Variants in RNLS observed in about 807,000 individuals in gnomAD.
RNLS encodes renalase.
Under a neutral mutation model 39.8 loss-of-function variants are expected in RNLS, and 39 were observed. The ratio of observed to expected loss-of-function variants is 0.98; its 90% CI spans 0.76 to 1.28. RNLS has a LOEUF of 1.28. Ranked by LOEUF, RNLS falls within the 50% of genes most tolerant of loss-of-function variation. The pLI is 0.00. For missense variants in RNLS, 410 were observed against 413.3 expected (o/e 0.99, Z 0.07); for synonymous variants, 147 against 150.7 (o/e 0.98, Z 0.18).
At chr10:88,380,228 A>AT (rs1851340070) in intron 4 of RNLS, among the ~76,000 whole-genome samples, 1 of 151,862 alleles carries the variant, frequency 6.6e-6, no homozygotes, top group African/African-American at 2.4e-5. Flanking sequence ...TCTTGCTCAT[A>AT]TTTTCTGCAT....
chr10:88,488,422 T>C (rs1002764759), intron 4 of RNLS, among the ~76,000 whole-genome samples: 1 of 151,882 alleles, frequency 6.6e-6, no homozygotes, highest in Non-Finnish European at 1.5e-5. Context: ...GGTGCATGCC[T>C]GTAATCCCAG....
chr10:88,444,208 C>T (rs2133863400), intron 4 of RNLS, among the ~76,000 whole-genome samples: 1 of 152,316 alleles, frequency 6.6e-6, no homozygotes, highest in Non-Finnish European at 1.5e-5. Context: ...CCTAGGCAAA[C>T]AGGGTCTGGA....
intron 4 of RNLS, among the ~76,000 whole-genome samples, chr10:88,396,966 T>C (rs988692933): frequency 1.3e-5 from 2 of 151,292 alleles, no homozygotes; most frequent in African/African-American, 4.9e-5. Flanking sequence ...AACAACAGGG[T>C]CCCAAAATAC....
chr10:88,315,720 A>G (rs2133060326), intron 5 of RNLS, among the ~76,000 whole-genome samples: 1 of 149,068 alleles, frequency 6.7e-6, no homozygotes, highest in South Asian at 2.2e-4. Context: ...GTGCCCGCTT[A>G]ACCTCTTTAC....
the RNLS span, among the ~76,000 whole-genome samples, chr10:88,211,355 GT>G: frequency 6.6e-6 from 1 of 152,170 alleles, no homozygotes; most frequent in Non-Finnish European, 1.5e-5. Flanking sequence ...TGTGCTTAGA[GT>G]ACAGTGTGAT....
intron 4 of RNLS, among the ~76,000 whole-genome samples, chr10:88,551,464 A>C (rs1319827314): frequency 6.6e-6 from 1 of 152,188 alleles, no homozygotes; most frequent in African/African-American, 2.4e-5. Flanking sequence ...AGTCACACTT[A>C]TTTATGAAAA....
chr10:88,462,302 C>T (rs1336996371), intron 4 of RNLS, among the ~76,000 whole-genome samples: 4 of 151,960 alleles, frequency 2.6e-5, no homozygotes, highest in Admixed American at 2.6e-4. Flanking sequence ...GTAATAATCA[C>T]ATCAGGGTAA....
intron 4 of RNLS, among the ~76,000 whole-genome samples, chr10:88,555,853 G>T (rs1246867948): frequency 6.6e-6 from 1 of 152,076 alleles, no homozygotes; most frequent in Non-Finnish European, 1.5e-5. Flanking sequence ...CTTTCTTGGG[G>T]TTCCTCTTAA....
chr10:88,377,187 T>C (rs1851069423), intron 4 of RNLS, among the ~76,000 whole-genome samples: 1 of 151,234 alleles, frequency 6.6e-6, no homozygotes, highest in South Asian at 2.1e-4. Context: ...TCCACATCTC[T>C]GTGTGTGTGT....
At chr10:88,174,520 A>T in the RNLS span, among the ~76,000 whole-genome samples, 1 of 152,086 alleles carries the variant, frequency 6.6e-6, no homozygotes, top group East Asian at 1.9e-4. Flanking sequence ...AGATGATCAT[A>T]TGTTTTTTGT....
chr10:88,518,856 A>G (rs1001300481), intron 4 of RNLS, among the ~76,000 whole-genome samples: 2 of 152,032 alleles, frequency 1.3e-5, no homozygotes, highest in African/African-American at 4.8e-5. Context: ...TGGGAAACTG[A>G]TAAGAAAGAG....
chr10:88,202,577 C>T, the RNLS span, among the ~76,000 whole-genome samples: 47 of 152,208 alleles, frequency 3.1e-4, 1 homozygote, highest in Non-Finnish European at 3.4e-4. Flanking sequence ...TGTCCTTCTG[C>T]CACCTTATCC....
chr10:88,240,326 A>G, the RNLS span, among the ~76,000 whole-genome samples: 173 of 152,286 alleles, frequency 1.1e-3, 2 homozygotes, highest in Admixed American at 0.011. Flanking sequence ...GCGCAGTACT[A>G]GCTTGGGCTT....
intron 4 of RNLS, among the ~76,000 whole-genome samples, chr10:88,372,240 T>C (rs1156882663): frequency 1.3e-5 from 2 of 152,074 alleles, no homozygotes; most frequent in African/African-American, 2.4e-5. Context: ...TCAGGTCCCC[T>C]CCCCTCTCCC....
intron 4 of RNLS, among the ~76,000 whole-genome samples, chr10:88,562,211 G>A (rs966823783): frequency 6.6e-6 from 1 of 152,012 alleles, no homozygotes; most frequent in African/African-American, 2.4e-5. Flanking sequence ...AAGAGCATCA[G>A]TTTATAAGAA....
chr10:88,268,927 C>T (rs755120392), downstream of RNLS, among the ~76,000 whole-genome samples: 4 of 152,206 alleles, frequency 2.6e-5, no homozygotes, highest in South Asian at 4.1e-4. Flanking sequence ...TCTGACCACT[C>T]CAGCACATGG....
chr10:88,182,580 G>A, the RNLS span, among the ~76,000 whole-genome samples: 1 of 151,904 alleles, frequency 6.6e-6, no homozygotes, highest in Admixed American at 6.6e-5. Context: ...AATATTCAAA[G>A]TCTCCAGGAA....
At chr10:88,459,395 AC>A (rs1412292485) in intron 4 of RNLS, among the ~76,000 whole-genome samples, 4 of 152,158 alleles carry the variant, frequency 2.6e-5, no homozygotes, top group Admixed American at 2.6e-4. Context: ...CAAATCCACT[AC>A]TTTTATTGGA....
At chr10:88,313,293 A>G (rs553487591) in intron 6 of RNLS, among the ~76,000 whole-genome samples, 5 of 152,216 alleles carry the variant, frequency 3.3e-5, no homozygotes, top group African/African-American at 1.2e-4. Flanking sequence ...AGTATTTATA[A>G]ATCACAAAGT....
Sources: gnomAD v4.1 joint callset for allele counts (sites outside exome capture counted in the v4.1 genomes callset) on GRCh38, gnomAD v4.1.1 for gene constraint, MANE v1.5 for transcripts, NCBI Gene and HGNC (gene_info 2026-07-23, HGNC 2026-07-21) for gene names.